CAPN3: variants seen among roughly 807,000 people sequenced by gnomAD.
CAPN3 encodes calpain 3.
CAPN3 carries 88 observed loss-of-function variants against 114.0 expected under a neutral mutation model. The ratio of observed to expected loss-of-function variants is 0.77; its 90% confidence interval spans 0.65 to 0.92. CAPN3 has a LOEUF of 0.92. Ranked by LOEUF, CAPN3 falls within the 40% of genes least tolerant of loss-of-function variation. CAPN3 has a pLI of 0.00. For synonymous variants in CAPN3, 386 were observed against 382.9 expected (o/e 1.01, Z -0.09); for missense variants, 1,028 against 1,069.0 (o/e 0.96, Z 0.53).
At chr15:42,382,445 G>A (rs965361303) in intron 1 of CAPN3, among the ~76,000 whole-genome samples, 4 of 151,886 alleles carry the variant, frequency 2.6e-5, no homozygotes, top group Admixed American at 6.6e-5. Flanking sequence ...CTTGGCTCAC[G>A]GCAATCTCTG....
intron 1 of CAPN3, among the ~76,000 whole-genome samples, chr15:42,383,872 C>A (rs921686790): frequency 6.6e-6 from 1 of 151,640 alleles, no homozygotes; most frequent in African/African-American, 2.4e-5. Context: ...CACGCCCAGC[C>A]GACACTGCCC....
chr15:42,402,022 G>T, intron 11 of CAPN3, 102 bp from the exon 12 acceptor site: 1 of 1,489,334 alleles, frequency 6.7e-7, no homozygotes. Context: ...GGTGCCTGGG[G>T]GTCAGGCTTC....
At chr15:42,382,230 C>G (rs2053268454) in intron 1 of CAPN3, among the ~76,000 whole-genome samples, 1 of 151,398 alleles carries the variant, frequency 6.6e-6, no homozygotes, top group South Asian at 2.1e-4. Flanking sequence ...TTCTTTGAAT[C>G]CCAGTAATTT....
intron 1 of CAPN3, among the ~76,000 whole-genome samples, chr15:42,375,368 A>T (rs1249135894): frequency 6.6e-6 from 1 of 151,986 alleles, no homozygotes; most frequent in African/African-American, 2.4e-5. Context: ...GAGCAGCCAG[A>T]CTCCTTACGG....
intron 14 of CAPN3, among the ~76,000 whole-genome samples, chr15:42,405,404 G>A (rs28745882): frequency 0.011 from 1,672 of 152,148 alleles, 25 homozygotes; most frequent in African/African-American, 0.037. Flanking sequence ...TCCGCCTCCC[G>A]GGTTCAAGCA....
At position 42,401,745 on chromosome 15, in the gene CAPN3, A is replaced by G. The variant is rs1416089001; in HGVS notation, c.1459A>G (p.Lys487Glu). The stretch of plus-strand genomic sequence containing the variant: ...CAGCTTCCTGGTGGCCCTGATGCAG[A>G]AGAACCGGCGGAAGGACCGGAAGCT... ...ICSFLVALMQ[K>E]NRRKDRKLGA... The change falls in exon 11 of 24, where the codon AAG becomes GAG. Residue 487 changes from lysine (K) to glutamate (E), a missense_variant. Physicochemically the swap from Lys to Glu is moderately conservative, Grantham distance 56. Coordinates refer to ENST00000397163, the MANE Select transcript of CAPN3 (RefSeq NM_000070.3). The G allele has an allele frequency of 6.2e-7, 1 of 1,614,068 alleles. No homozygotes were observed. The highest frequency in any genetic ancestry group is 8.5e-7 in the Non-Finnish European group (1 of 1,180,030).
chr15:42,402,376 C>G, intron 12 of CAPN3: 1 of 1,454,532 alleles, frequency 6.9e-7, no homozygotes, highest in South Asian at 1.4e-5. Flanking sequence ...CACACACATG[C>G]CTTTGCACAC....
chr15:42,385,537 G>C (rs973318068), intron 2 of CAPN3: 510 of 338,396 alleles, frequency 1.5e-3, no homozygotes, highest in African/African-American at 0.01. Context: ...CACACAGAGA[G>C]AGAGAGAGAG....
rs377626958 is a variant in CAPN3 at position 42,360,144 on chromosome 15, T to TG, written c.309+30_309+31insG. The TG allele has an allele frequency of 1.7e-3, 2,771 of 1,613,758 alleles. 37 individuals carry two copies. The African/African-American group carries it at 0.029, about 17-fold the overall frequency. On this transcript the variant is annotated intron_variant, in intron 1 of 23. Transcript: ENST00000397163. ...GTAGCTTCCTGCTTGCTGGCTGGGT[T>TG]TTCCCCCCACGGAGGAGTCCTCTCA...
intron 1 of CAPN3, among the ~76,000 whole-genome samples, chr15:42,372,023 G>T (rs2052962933): frequency 6.6e-6 from 1 of 151,418 alleles, no homozygotes; most frequent in Non-Finnish European, 1.5e-5. Flanking sequence ...GACTTTTATT[G>T]CAGTTACATT....
chr15:42,368,302 T>C (rs1224957708), intron 1 of CAPN3, among the ~76,000 whole-genome samples: 3 of 152,212 alleles, frequency 2.0e-5, no homozygotes, highest in African/African-American at 2.4e-5. Flanking sequence ...ATGACGTCTT[T>C]AGTGCCATGT....
At chr15:42,375,178 G>A (rs2053056916) in intron 1 of CAPN3, among the ~76,000 whole-genome samples, 1 of 151,838 alleles carries the variant, frequency 6.6e-6, no homozygotes, top group Non-Finnish European at 1.5e-5. Flanking sequence ...CAGAGCAGGT[G>A]TTTTGGGGTG....
rs557164942 is a variant in CAPN3 at position 42,401,763 on chromosome 15, C to T, written c.1477C>T (p.Arg493Trp). 1.5e-5 allele frequency: 24 copies of T among 1,614,010 alleles called. No individual in the cohort carries two copies. The highest frequency in any genetic ancestry group is 6.7e-5 in the East Asian group (3 of 44,840). Residue 493 changes from arginine to tryptophan, a missense_variant, in exon 11 of 24, where the codon CGG becomes TGG. Physicochemically the swap from Arg to Trp is moderately radical, Grantham distance 101 (BLOSUM62 -3). Transcript: ENST00000397163. ...ALMQKNRRKD[R>W]KLGASLFTIG... ...GATGCAGAAGAACCGGCGGAAGGACCGGAAGCTAGGGGCCAGTCTCTTCAC... is the reference window on the plus strand; with the variant it reads ...GATGCAGAAGAACCGGCGGAAGGACTGGAAGCTAGGGGCCAGTCTCTTCAC...
At chr15:42,409,209 T>C in intron 16 of CAPN3, 94 bp from the exon 17 acceptor site, 1 of 1,204,024 alleles carries the variant, frequency 8.3e-7, no homozygotes, top group East Asian at 2.4e-5. Flanking sequence ...TCCGGCCGTT[T>C]TAGGCACTTG....
chr15:42,399,375 C>T, intron 9 of CAPN3, 117 bp from the exon 10 acceptor site: 1 of 836,954 alleles, frequency 1.2e-6, no homozygotes, highest in East Asian at 2.4e-5. Context: ...CCTCTGGGAC[C>T]CTGACCAAGT....
chr15:42,388,262 G>A (rs1198815883), intron 4 of CAPN3, among the ~76,000 whole-genome samples: 5 of 152,132 alleles, frequency 3.3e-5, no homozygotes. Flanking sequence ...ATAAAGCCAT[G>A]TTGTCTCTCA....
chr15:42,402,046 C>T, intron 11 of CAPN3, 78 bp from the exon 12 acceptor site: 1 of 1,575,050 alleles, frequency 6.3e-7, no homozygotes. Context: ...ATGCGGGCTG[C>T]AGTTGCTGGC....
chr15:42,408,528 A>G, intron 16 of CAPN3: 3 of 566,914 alleles, frequency 5.3e-6, no homozygotes, highest in Non-Finnish European at 1.0e-5. Context: ...TGGGGGTTCC[A>G]TTCTAGGAGT....
intron 1 of CAPN3, among the ~76,000 whole-genome samples, chr15:42,366,402 C>T (rs2052777186): frequency 6.6e-6 from 1 of 152,184 alleles, no homozygotes; most frequent in African/African-American, 2.4e-5. Flanking sequence ...GCAGAACCAA[C>T]TTCTTCCTTG....
Sources: allele counts gnomAD v4.1 joint callset (sites outside exome capture counted in the v4.1 genomes callset), GRCh38; gene constraint gnomAD v4.1.1; transcripts MANE v1.5; gene names NCBI Gene and HGNC (gene_info 2026-07-23, HGNC 2026-07-21).